MYO5B: variants seen among roughly 807,000 people sequenced by gnomAD.
MYO5B encodes the protein myosin VB.
In MYO5B, 143 loss-of-function variants were observed where a neutral mutation model predicts 229.3. The observed-to-expected ratio is 0.62, with a 90% confidence interval of 0.54 to 0.72. The LOEUF is 0.72. MYO5B is among the 30% of genes least tolerant of loss of function. The probability of loss-of-function intolerance (pLI) is 0.00; values close to 1 mark genes in which losing one functional copy is unlikely to be tolerated. For synonymous variants in MYO5B, 918 were observed against 885.2 expected, an observed-to-expected ratio of 1.04 and a Z score of -0.66; for missense variants, 2,321 against 2,331.0, an observed-to-expected ratio of 1.00 and a Z score of 0.09.
At chr18:50,043,596 GTATATAAA>G (rs887461114) in intron 2 of MYO5B, among the ~76,000 whole-genome samples, 33 of 121,742 alleles carry the variant, frequency 2.7e-4, no homozygotes, top group Middle Eastern at 8.5e-3. Flanking sequence ...ATATTTATAA[GTATATAAA>G]TATATAAATA....
At chr18:50,037,403 T>A (rs1255621039) in intron 3 of MYO5B, among the ~76,000 whole-genome samples, 2 of 152,240 alleles carry the variant, frequency 1.3e-5, no homozygotes, top group Non-Finnish European at 2.9e-5. Flanking sequence ...ATTTTCTCAT[T>A]TGTATATTGG....
intron 4 of MYO5B, 115 bp from the exon 5 acceptor site, chr18:50,001,526 G>T: frequency 8.0e-7 from 1 of 1,249,666 alleles, no homozygotes. Flanking sequence ...CTACTTTAAT[G>T]GATAAACGCA....
chr18:50,016,180 G>A (rs1358958560), intron 4 of MYO5B, among the ~76,000 whole-genome samples: 2 of 152,152 alleles, frequency 1.3e-5, no homozygotes, highest in Non-Finnish European at 2.9e-5. Context: ...CTGGCCAGTT[G>A]ATTAACTGTT....
chr18:49,880,458 G>A lies in MYO5B; in HGVS notation c.3046-3C>T. The A allele has an allele frequency of 1.2e-6, 2 of 1,613,162 alleles. No individual in the cohort carries two copies. ...TCTTGCTCCAGGTCTGCAACTCGCT[G>A]GAAGAGAGCAATAGGGGAAAAATGT... On this transcript the variant is annotated splice_region_variant and splice_polypyrimidine_tract_variant and intron_variant, in intron 22 of 39. Transcript: ENST00000285039.
chr18:50,125,070 G>A (rs1234085748), intron 1 of MYO5B, among the ~76,000 whole-genome samples: 1 of 152,104 alleles, frequency 6.6e-6, no homozygotes, highest in Non-Finnish European at 1.5e-5. Context: ...TACCCCTGCT[G>A]ACTGCAAGGC....
intron 10 of MYO5B, among the ~76,000 whole-genome samples, chr18:49,973,877 C>T (rs575281337): frequency 6.6e-6 from 1 of 152,348 alleles, no homozygotes; most frequent in African/African-American, 2.4e-5. Context: ...CAACACAAAT[C>T]TGCACAGCCC....
At chr18:50,072,525 C>T (rs932315418) in intron 1 of MYO5B, among the ~76,000 whole-genome samples, 2 of 152,158 alleles carry the variant, frequency 1.3e-5, no homozygotes, top group African/African-American at 2.4e-5. Flanking sequence ...TGGCCCACGT[C>T]CTTCCTCAGT....
chr18:49,845,017 G>C (rs952603938), intron 33 of MYO5B, among the ~76,000 whole-genome samples: 1 of 152,178 alleles, frequency 6.6e-6, no homozygotes, highest in East Asian at 1.9e-4. Flanking sequence ...GATTTTCCTA[G>C]GTAGCTCAGC....
chr18:49,885,849 A>G (rs2156072), intron 22 of MYO5B, among the ~76,000 whole-genome samples: 34,123 of 152,128 alleles, frequency 0.22, 4,390 homozygotes, highest in East Asian at 0.41. Flanking sequence ...TAGTGGCCTT[A>G]CATTAGGTTT....
chr18:50,005,836 T>A (rs2026095349), intron 4 of MYO5B, among the ~76,000 whole-genome samples: 1 of 152,170 alleles, frequency 6.6e-6, no homozygotes, highest in African/African-American at 2.4e-5. Context: ...TAACCTTCAA[T>A]ATATATGCTT....
chr18:49,840,990 C>T (rs1468458124), intron 35 of MYO5B, among the ~76,000 whole-genome samples: 1 of 152,198 alleles, frequency 6.6e-6, no homozygotes, highest in African/African-American at 2.4e-5. Flanking sequence ...GACAGGGTGA[C>T]CCACTAGGCA....
At chr18:49,927,630 A>C (rs1238588450) in intron 17 of MYO5B, among the ~76,000 whole-genome samples, 1 of 152,176 alleles carries the variant, frequency 6.6e-6, no homozygotes, top group Middle Eastern at 3.2e-3. Context: ...ACAAAGCAAA[A>C]ACAAAAAGTG....
In MYO5B at chr18:50,023,777, T is replaced by C. The variant is rs985565934; in HGVS notation, c.455+13073A>G. On this transcript the variant is annotated intron_variant, in intron 4 of 39. Transcript: ENST00000285039. ...TAGGTAGCAGGGCGGCTGGTATCTCTTCACCTCTAAGAGCTTTCAAAAGTG... is the reference window on the plus strand; with the variant it reads ...TAGGTAGCAGGGCGGCTGGTATCTCCTCACCTCTAAGAGCTTTCAAAAGTG... Among the ~76,000 whole-genome samples the C allele has an allele frequency of 2.0e-5, 3 of 152,268 alleles. No homozygotes were observed. The East Asian group carries it at 5.8e-4, about 29-fold the overall frequency.
At chr18:49,880,566 A>T in intron 22 of MYO5B, 111 bp from the exon 23 acceptor site, 1 of 904,172 alleles carries the variant, frequency 1.1e-6, no homozygotes, top group Non-Finnish European at 1.8e-6. Context: ...TTTTAAGAAA[A>T]TTGATTTGGT....
intron 4 of MYO5B, among the ~76,000 whole-genome samples, chr18:50,035,597 A>G (rs570893303): frequency 6.6e-6 from 1 of 152,308 alleles, no homozygotes; most frequent in Admixed American, 6.5e-5. Context: ...TCTTCTCTCC[A>G]CACAATCTTC....
rs1225917620 is a variant in MYO5B, at chr18:49,902,765, G to A, written c.2640C>T (p.Phe880=). ...CAATGGCTGCATCCCGCAGCCGCTGGAAGTGCCTGCGTGCCATCCAGCCCC... is the reference window on the plus strand; with the variant it reads ...CAATGGCTGCATCCCGCAGCCGCTGAAAGTGCCTGCGTGCCATCCAGCCCC... ...HVRGWMARRH[F]QRLRDAAIVI... is the part of the protein sequence containing the mutation. The change falls in exon 21 of 40, where the codon TTC becomes TTT. Residue 880 remains phenylalanine, a synonymous_variant. Coordinates refer to ENST00000285039, the MANE Select transcript of MYO5B (RefSeq NM_001080467.3). 1.9e-6 allele frequency: 3 copies of A among 1,605,898 alleles called. No homozygotes were observed. Among genetic ancestry groups the A allele is most frequent in the Non-Finnish European group, 2.5e-6 (3 of 1,179,988 alleles).
chr18:50,086,489 C>A (rs879164130), intron 1 of MYO5B, among the ~76,000 whole-genome samples: 1 of 152,180 alleles, frequency 6.6e-6, no homozygotes, highest in Non-Finnish European at 1.5e-5. Context: ...GGTGTGTGCA[C>A]GTGTGTGTAT....
chr18:50,090,878 G>C (rs1411813319), intron 1 of MYO5B, among the ~76,000 whole-genome samples: 1 of 152,160 alleles, frequency 6.6e-6, no homozygotes, highest in Non-Finnish European at 1.5e-5. Context: ...AACAAGCTGT[G>C]TTCAAAGTTC....
chr18:50,168,191 A>G (rs1490197008), intron 1 of MYO5B, among the ~76,000 whole-genome samples: 1 of 152,176 alleles, frequency 6.6e-6, no homozygotes, highest in Non-Finnish European at 1.5e-5. Flanking sequence ...TCCCTCTAAC[A>G]GCATCCGAGT....
Sources: allele counts gnomAD v4.1 joint callset (sites outside exome capture counted in the v4.1 genomes callset), GRCh38; gene constraint gnomAD v4.1.1; transcripts MANE v1.5; gene names NCBI Gene and HGNC (gene_info 2026-07-23, HGNC 2026-07-21).